The following CDK15 variants were observed in gnomAD, a reference collection of about 807,000 sequenced individuals.
The protein encoded by CDK15 is cyclin-dependent kinase 15.
Under a neutral mutation model 60.3 loss-of-function variants are expected in CDK15, and 62 were observed. The observed-to-expected ratio is 1.03, with a 90% CI of 0.84 to 1.27. The LOEUF (loss-of-function observed/expected upper bound fraction) is 1.27, where lower values mean the gene tolerates loss of function less well. Among genes scored for constraint, CDK15 ranks in the 50% most tolerant of loss-of-function variants. The probability of loss-of-function intolerance (pLI) is 0.00; values close to 1 mark genes in which losing one functional copy is unlikely to be tolerated. For missense variants in CDK15, 541 were observed against 527.8 expected, an observed-to-expected ratio of 1.03 and a Z score of -0.25; for synonymous variants, 194 against 195.7, an observed-to-expected ratio of 0.99 and a Z score of 0.07.
chr2:201,889,592 T>A (rs1437485220), intron 12 of CDK15: 1 of 206,916 alleles, frequency 4.8e-6, no homozygotes, highest in South Asian at 1.7e-4. Flanking sequence ...GTAGTGAGCA[T>A]TCAGGAGTAG....
At chr2:201,834,566 A>C (rs1346035385) in intron 7 of CDK15, among the ~76,000 whole-genome samples, 1 of 152,200 alleles carries the variant, frequency 6.6e-6, no homozygotes, top group African/African-American at 2.4e-5. Flanking sequence ...ATATATATAC[A>C]TGTGTGAGCA....
chr2:201,878,984 T>C (rs1356290952), intron 11 of CDK15, among the ~76,000 whole-genome samples: 2 of 152,210 alleles, frequency 1.3e-5, no homozygotes, highest in Non-Finnish European at 2.9e-5. Flanking sequence ...TACTTAGACA[T>C]CTGTGTGATA....
intron 12 of CDK15, chr2:201,888,431 C>A (rs752992801): frequency 6.5e-7 from 1 of 1,530,296 alleles, no homozygotes; most frequent in South Asian, 1.2e-5. Flanking sequence ...AATTTTTAAA[C>A]ACCCGCTTTC....
At chr2:201,812,041 G>T (rs1695791593) in intron 3 of CDK15, among the ~76,000 whole-genome samples, 1 of 151,856 alleles carries the variant, frequency 6.6e-6, no homozygotes, top group Admixed American at 6.6e-5. Flanking sequence ...AGGTGTGGTG[G>T]GGGTCCCCTG....
Position 201,890,950 on chromosome 2 carries a change from T to C in CDK15, c.*33+23T>C, listed in dbSNP as rs182036913. On this transcript the variant is annotated intron_variant, in intron 13 of 13. Transcript: ENST00000652192. ...CAGGTAAGTGGTTGCAACAGTGAGG[T>C]TCCTTATGGAACAAATTGAAAAGCA... The C allele has an allele frequency of 3.0e-4, 385 of 1,295,610 alleles. 4 individuals carry two copies. The East Asian group carries it at 8.8e-3, about 30-fold the overall frequency. The allele number at this position is 1,295,610 out of a possible 1,614,324, so 80.3% of individuals were successfully genotyped here. A position where few individuals can be genotyped will look rare whatever the true frequency, so the allele number is the denominator to read the frequency against.
chr2:201,835,721 C>T lies in CDK15; in HGVS notation c.809C>T (p.Ala270Val). Reference sequence around the variant, plus strand: ...ACCCTCTGGTACCGGCCCCCTGATGCTTTGCTGGGAGCCACTGAATATTCC... The same window carrying T: ...ACCCTCTGGTACCGGCCCCCTGATGTTTTGCTGGGAGCCACTGAATATTCC... The part of the protein sequence containing the change: ...VVTLWYRPPD[A>V]LLGATEYSSE... Residue 270 changes from alanine (A) to valine (V), a missense_variant, in exon 8 of 14, where the codon GCT (alanine) becomes GTT (valine). Coordinates refer to ENST00000652192, the MANE Select transcript of CDK15 (RefSeq NM_001366386.2). The T allele has an allele frequency of 6.2e-7, 1 of 1,610,626 alleles. No individual in the cohort carries two copies. The highest frequency in any genetic ancestry group is 8.5e-7 in the Non-Finnish European group (1 of 1,177,840).
Position 201,835,735 on chromosome 2 carries a change from A to G in CDK15, c.823A>G (p.Thr275Ala). The change falls in exon 8 of 14, where the codon ACT (threonine) becomes GCT (alanine). Residue 275 changes from threonine to alanine, a missense_variant. Coordinates refer to ENST00000652192, the MANE Select transcript of CDK15 (RefSeq NM_001366386.2). ...GCCCCCTGATGCTTTGCTGGGAGCCACTGAATATTCCTCTGAGCTGGACAT... is the reference window on the plus strand; with the variant it reads ...GCCCCCTGATGCTTTGCTGGGAGCCGCTGAATATTCCTCTGAGCTGGACAT... Reference protein sequence around the residue: ...YRPPDALLGATEYSSELDIWG... With the variant: ...YRPPDALLGAAEYSSELDIWG... 6.2e-7 allele frequency: 1 copy of G among 1,610,086 alleles called. No homozygotes were observed. The highest frequency in any genetic ancestry group is 8.5e-7 in the Non-Finnish European group (1 of 1,177,386).
chr2:201,874,676 AGAT>A (rs1362941874), intron 11 of CDK15, among the ~76,000 whole-genome samples: 3 of 152,166 alleles, frequency 2.0e-5, no homozygotes, highest in Non-Finnish European at 4.4e-5. Context: ...ACAGGCCTGT[AGAT>A]GAATCCCCGG....
intron 1 of CDK15, 73 bp downstream of exon 1, chr2:201,806,860 C>A: frequency 2.0e-6 from 3 of 1,536,970 alleles, no homozygotes; most frequent in South Asian, 2.4e-5. Context: ...CTTTTTGTAG[C>A]GGGATCTGAT....
chr2:201,860,631 G>A (rs1698349433), intron 10 of CDK15: 3 of 1,121,094 alleles, frequency 2.7e-6, no homozygotes, highest in Admixed American at 2.6e-5. Context: ...AGGCAGGAAA[G>A]CGGTACTAAA....
intron 11 of CDK15, among the ~76,000 whole-genome samples, chr2:201,875,998 G>A (rs528173556): frequency 1.3e-4 from 20 of 152,280 alleles, no homozygotes; most frequent in East Asian, 3.9e-4. Flanking sequence ...TTAATTGGGC[G>A]GGGGGTTTTC....
At chr2:201,869,312 A>C (rs1198495045) in intron 10 of CDK15, among the ~76,000 whole-genome samples, 1 of 140,200 alleles carries the variant, frequency 7.1e-6, no homozygotes, top group African/African-American at 2.6e-5. Flanking sequence ...TCTCACTCAC[A>C]GGGGGGAATT....
intron 12 of CDK15, chr2:201,889,212 C>G (rs1253938579): frequency 1.0e-6 from 1 of 985,192 alleles, no homozygotes; most frequent in Non-Finnish European, 1.2e-6. Context: ...GCTTTTGGTG[C>G]AGTAATAACA....
rs1490971272 is a variant in CDK15 at position 201,882,926 on chromosome 2, A to G, written c.1198+2759A>G. ...GCCTGCTTTTTCATTGCCCCTGGCAATGAGCCTTTATTAACAGCCTCCTTT... is the reference window on the plus strand; with the variant it reads ...GCCTGCTTTTTCATTGCCCCTGGCAGTGAGCCTTTATTAACAGCCTCCTTT... On this transcript the variant is annotated intron_variant, in intron 12 of 13. Transcript: ENST00000652192. The surrounding 1 kb of genome is among the most constrained non-coding windows in gnomAD (Gnocchi z 4.0). Among the ~76,000 whole-genome samples, 2 of 152,174 alleles carry G rather than the reference A, an allele frequency of 1.3e-5. No individual in the cohort carries two copies. The highest frequency in any genetic ancestry group is 2.9e-5 in the Non-Finnish European group (2 of 68,032).
chr2:201,870,248 AACC>A (rs1698801998), intron 10 of CDK15, among the ~76,000 whole-genome samples: 8 of 152,198 alleles, frequency 5.3e-5, no homozygotes, highest in Admixed American at 5.2e-4. Context: ...AAGCCCCTGT[AACC>A]ACCACCACTA....
intron 11 of CDK15, among the ~76,000 whole-genome samples, chr2:201,879,377 A>G (rs1699190912): frequency 6.6e-6 from 1 of 151,912 alleles, no homozygotes; most frequent in Non-Finnish European, 1.5e-5. Flanking sequence ...AGCCTTGAAC[A>G]TGTTTTTTGT....
chr2:201,888,561 C>G, intron 12 of CDK15: 1 of 1,468,906 alleles, frequency 6.8e-7, no homozygotes, highest in South Asian at 1.3e-5. Flanking sequence ...AGGAGAGCCG[C>G]GCTGCAGCTT....
At chr2:201,810,461 A>G (rs1695706901) in intron 3 of CDK15, among the ~76,000 whole-genome samples, 1 of 152,218 alleles carries the variant, frequency 6.6e-6, no homozygotes, top group Non-Finnish European at 1.5e-5. Flanking sequence ...AAGAGCTTCC[A>G]AAGGACAAAG....
At chr2:201,876,651 A>G (rs1699089695) in intron 11 of CDK15, 12 of 1,052,612 alleles carry the variant, frequency 1.1e-5, no homozygotes, top group Non-Finnish European at 1.5e-5. Context: ...AAACCACCAG[A>G]AGCCCTGAAA....
Sources: gnomAD v4.1 joint callset for allele counts (sites outside exome capture counted in the v4.1 genomes callset) on GRCh38, gnomAD v4.1.1 for gene constraint, Gnocchi (gnomAD v3.1) non-coding constraint, MANE v1.5 for transcripts, NCBI Gene and HGNC (gene_info 2026-07-23, HGNC 2026-07-21) for gene names.